Variants in MAP4K1 observed in about 807,000 individuals in gnomAD.
MAP4K1 encodes the protein mitogen-activated protein kinase kinase kinase kinase 1.
A neutral mutation model predicts 122.8 loss-of-function variants in MAP4K1; 35 were observed. That is an observed-to-expected ratio of 0.29 (90% CI 0.22 to 0.38). The LOEUF is 0.38. Ranked by LOEUF, MAP4K1 falls within the 10% of genes least tolerant of loss-of-function variation. The probability of loss-of-function intolerance (pLI) is 1.00; values close to 1 mark genes in which losing one functional copy is unlikely to be tolerated. For synonymous variants in MAP4K1, 412 were observed against 421.3 expected, an observed-to-expected ratio of 0.98 and a Z score of 0.27; for missense variants, 791 against 1,072.6, an observed-to-expected ratio of 0.74 and a Z score of 3.67.
Position 38,596,382 on chromosome 19 carries a change from C to G in MAP4K1, c.2046G>C (p.Pro682=). 5 of 1,598,326 alleles carry G rather than the reference C, an allele frequency of 3.1e-6. No individual in the cohort carries two copies. Among genetic ancestry groups the G allele is most frequent in the Non-Finnish European group, 3.4e-6 (4 of 1,175,424 alleles). The part of the protein sequence containing the change: ...AVCIGVSPGR[P]GKSVLFHTVR... The stretch of plus-strand genomic sequence containing the variant: ...CCGTGTGGAAGAGCACCGACTTCCC[C>G]GGCCGCCCGGGGCTCACGCCGATGC... The change falls in exon 26 of 31, where the codon CCG becomes CCC. Residue 682 remains proline, a synonymous_variant. Transcript: ENST00000396857.
intron 4 of MAP4K1, among the ~76,000 whole-genome samples, chr19:38,615,352 C>T (rs73552641): frequency 0.094 from 14,211 of 150,440 alleles, 2,212 homozygotes; most frequent in African/African-American, 0.32. Context: ...TGAGCAGGGG[C>T]GTCATGTGAC....
chr19:38,603,187 C>T (rs542615389), intron 19 of MAP4K1, among the ~76,000 whole-genome samples: 1 of 148,032 alleles, frequency 6.8e-6, no homozygotes, highest in East Asian at 2.0e-4. Context: ...TACATATATA[C>T]GCATATACAT....
rs1568642890 is a variant in MAP4K1, at chr19:38,614,410, C to T, written c.349G>A (p.Val117Ile). The change falls in exon 5 of 31, where the codon GTC becomes ATC. Residue 117 changes from valine to isoleucine, a missense_variant. Physicochemically the swap from Val to Ile is conservative, Grantham distance 29 (BLOSUM62 3). Around this residue, in one of 4 missense-constraint regions of MAP4K1, gnomAD observed 163 missense variants for 286.1 expected, o/e 0.57. Transcript: ENST00000396857. ...CTTACCTGGAGCACTTCCCGGCAGA[C>T]ATAGCTAATCTGGAGCTCTGACAGG... ...GSLSELQISYVCREVLQGLAY... is the reference protein window; with the variant it reads ...GSLSELQISYICREVLQGLAY... 4 of 1,614,216 alleles carry T rather than the reference C, an allele frequency of 2.5e-6. No individual in the cohort carries two copies. Among genetic ancestry groups the T allele is most frequent in the Non-Finnish European group, 3.4e-6 (4 of 1,180,030 alleles).
chr19:38,595,512 C>T lies in MAP4K1; in HGVS notation c.2313G>A (p.Val771=). Residue 771 remains valine (V), a synonymous_variant, in exon 29 of 31, where the codon GTG becomes GTA. Transcript: ENST00000396857. ...GQLQAFWKHG[V]QVWALGSDQL... ...GATCCGAGCCTAGAGCCCACACCTG[C>T]ACTCCATGCTTCCAGAAGGCCTGAA... is the stretch of plus-strand genomic sequence containing the variant. 1.9e-6 allele frequency: 3 copies of T among 1,614,044 alleles called. No homozygotes were observed. Among genetic ancestry groups the T allele is most frequent in the East Asian group, 2.2e-5 (1 of 44,868 alleles).
rs1031744033 is a variant in MAP4K1, at chr19:38,608,799, CAAAAAAA to C, written c.1007-636_1007-630del. On this transcript the variant is annotated intron_variant, in intron 13 of 30. Transcript: ENST00000396857. Reference sequence around the variant, plus strand: ...TGGGCGACAGAGTGAAACTCCGTCTCAAAAAAAAAAAAAAAAAAAAAAAAAAAAAACA... The same window carrying C: ...TGGGCGACAGAGTGAAACTCCGTCTCAAAAAAAAAAAAAAAAAAAAAAACA... Among the ~76,000 whole-genome samples, 20 of 9,558 alleles carry C rather than the reference CAAAAAAA, an allele frequency of 2.1e-3. No homozygotes were observed. In the South Asian group the frequency reaches 0.035, roughly 17 times the overall value. The allele number at this position is 9,558 out of a possible 152,430, so 6.3% of individuals were successfully genotyped here.
chr19:38,603,176 G>A (rs1383372288), intron 19 of MAP4K1, among the ~76,000 whole-genome samples: 21 of 120,836 alleles, frequency 1.7e-4, no homozygotes, highest in Admixed American at 5.8e-4. Context: ...ATATACACAT[G>A]TACATATATA....
At chr19:38,614,001 C>G (rs1235839255) in intron 7 of MAP4K1, 42 bp downstream of exon 7, 3 of 1,606,712 alleles carry the variant, frequency 1.9e-6, no homozygotes, top group Admixed American at 3.3e-5. Flanking sequence ...GCGCTTCCGG[C>G]CCCCCAGTCA....
chr19:38,604,859 G>C (rs969372176), intron 19 of MAP4K1, among the ~76,000 whole-genome samples: 5 of 151,628 alleles, frequency 3.3e-5, no homozygotes, highest in Non-Finnish European at 7.4e-5. Context: ...GGCCGAGGCA[G>C]GTGGATCACC....
At chr19:38,613,791 G>T in intron 8 of MAP4K1, 89 bp downstream of exon 8, 2 of 1,009,482 alleles carry the variant, frequency 2.0e-6, no homozygotes, top group Non-Finnish European at 3.0e-6. Flanking sequence ...GCAGGGGAAC[G>T]GAGCCAGGAA....
intron 4 of MAP4K1, among the ~76,000 whole-genome samples, chr19:38,615,744 G>A (rs1240134250): frequency 2.0e-5 from 3 of 151,984 alleles, no homozygotes; most frequent in South Asian, 2.1e-4. Flanking sequence ...GAGGTTTTCC[G>A]CCTCCCAGAA....
intron 13 of MAP4K1, among the ~76,000 whole-genome samples, chr19:38,608,730 G>A (rs1416307669): frequency 6.8e-5 from 10 of 146,786 alleles, no homozygotes; most frequent in African/African-American, 2.5e-4. Flanking sequence ...AACCCAGGAG[G>A]CAGAGGTTTT....
intron 16 of MAP4K1, among the ~76,000 whole-genome samples, chr19:38,606,890 G>A (rs576746803): frequency 2.7e-4 from 41 of 152,240 alleles, no homozygotes; most frequent in Non-Finnish European, 4.6e-4. Context: ...AAGTGAGTGC[G>A]CGCACCTGGA....
chr19:38,597,388 G>T lies in MAP4K1; in HGVS notation c.1779-4C>A, dbSNP rs1167975061. On this transcript the variant is annotated splice_region_variant and splice_polypyrimidine_tract_variant and intron_variant, in intron 23 of 30. Transcript: ENST00000396857. The surrounding 1 kb of genome is among the most constrained non-coding windows in gnomAD (Gnocchi z 4.6). Reference sequence around the variant, plus strand: ...CTTGGTGGAAACCATGTTCTTCCTGGAGAATAGGTAGGTGTGAAGGGGGGT... The same window carrying T: ...CTTGGTGGAAACCATGTTCTTCCTGTAGAATAGGTAGGTGTGAAGGGGGGT... The T allele has an allele frequency of 6.2e-7, 1 of 1,614,038 alleles. No individual in the cohort carries two copies. The highest frequency in any genetic ancestry group is 1.1e-5 in the South Asian group (1 of 91,082).
At chr19:38,589,961 T>C (rs1242451000) in intron 30 of MAP4K1, among the ~76,000 whole-genome samples, 2 of 151,202 alleles carry the variant, frequency 1.3e-5, no homozygotes, top group Non-Finnish European at 2.9e-5. Context: ...ACCCAGGAGG[T>C]CGAGGCTGCA....
chr19:38,601,586 G>C, intron 19 of MAP4K1, 61 bp from the exon 20 acceptor site: 1 of 1,316,230 alleles, frequency 7.6e-7, no homozygotes, highest in Admixed American at 2.0e-5. Flanking sequence ...GAACAGGAAG[G>C]GGCAGTGGTT....
rs369462847 is a variant in MAP4K1, at chr19:38,599,997, G to A, written c.1609-12C>T. ...CGGCTAGGAAAGAGCTGCAGGGAAT[G>A]GGAGAGATGGCTCTGGTGACACCCC... On this transcript the variant is annotated splice_polypyrimidine_tract_variant and intron_variant, in intron 21 of 30. Transcript: ENST00000396857. The A allele has an allele frequency of 5.6e-6, 9 of 1,614,060 alleles. No individual in the cohort carries two copies. The African/African-American group carries it at 6.7e-5, about 12-fold the overall frequency.
intron 8 of MAP4K1, among the ~76,000 whole-genome samples, chr19:38,613,630 G>T (rs1028981803): frequency 2.0e-5 from 3 of 152,006 alleles, no homozygotes; most frequent in Non-Finnish European, 1.5e-5. Flanking sequence ...GAAAAAGACA[G>T]AAATGGATAT....
chr19:38,603,107 T>C lies in MAP4K1; in HGVS notation c.1447-1582A>G, dbSNP rs1212724066. ...ACATGTACATATATACACATGTACA[T>C]ATATACACATGTACATATATACGCA... On this transcript the variant is annotated intron_variant, in intron 19 of 30. Transcript: ENST00000396857. Among the ~76,000 whole-genome samples, 13 of 141,714 alleles carry C rather than the reference T, an allele frequency of 9.2e-5. 2 individuals carry two copies. The Admixed American group carries it at 9.6e-4, about 10-fold the overall frequency. 93.0% of individuals were successfully genotyped at this position (141,714 alleles called of 152,430 possible).
In MAP4K1 at chr19:38,617,641, T is replaced by C. The variant is rs753706136; in HGVS notation, c.100-16A>G. The C allele has an allele frequency of 1.2e-6, 2 of 1,614,042 alleles. No individual in the cohort carries two copies. Among genetic ancestry groups the C allele is most frequent in the Non-Finnish European group, 1.7e-6 (2 of 1,179,964 alleles). ...TGTCTCGAGCCTTGCAAAGGGGAAG[T>C]TGGCAGTCAGGCAGGCTCCATTTGC... On this transcript the variant is annotated splice_polypyrimidine_tract_variant and intron_variant, in intron 1 of 30. Transcript: ENST00000396857. This position sits in a 1 kb window ranked among gnomAD's most constrained non-coding sequence, Gnocchi z 4.1.
Sources: allele counts gnomAD v4.1 joint callset (sites outside exome capture counted in the v4.1 genomes callset), GRCh38; gene constraint gnomAD v4.1.1; regional missense constraint gnomAD v4.1.1; non-coding constraint Gnocchi (gnomAD v3.1); transcripts MANE v1.5; gene names NCBI Gene and HGNC (gene_info 2026-07-23, HGNC 2026-07-21).